The following MCM10 variants were observed in gnomAD, a reference collection of about 807,000 sequenced individuals.
MCM10 encodes protein MCM10 homolog.
MCM10 carries 91 observed loss-of-function variants against 109.9 expected under a neutral mutation model. The observed-to-expected ratio is 0.83, with a 90% CI of 0.70 to 0.99. The LOEUF is 0.99. Among genes scored for constraint, MCM10 ranks in the 50% least tolerant of loss-of-function variants. The pLI is 0.00. For synonymous variants in MCM10, 380 were observed against 387.2 expected, an observed-to-expected ratio of 0.98 and a Z score of 0.22; for missense variants, 1,077 against 1,061.2, an observed-to-expected ratio of 1.01 and a Z score of -0.21.
rs564350831 is a variant in MCM10, at chr10:13,176,695, G to A, written c.764+1014G>A. ...GAGGATTGCTTGAAGTCAGGAGCTC[G>A]AGACTAGCTGGGGTAACATAGTGAG... On this transcript the variant is annotated intron_variant, in intron 6 of 19. Transcript: ENST00000378714. Among the ~76,000 whole-genome samples, 9 of 152,314 alleles carry A rather than the reference G, an allele frequency of 5.9e-5. 1 individual carries two copies. In the South Asian group the frequency reaches 1.9e-3, roughly 32 times the overall value.
In MCM10 at chr10:13,209,388, C is replaced by CAATCAGGAATCAATGGA; in HGVS notation, c.*78_*79insAATCAGGAATCAATGGA. On this transcript the variant is annotated 3_prime_UTR_variant, in exon 20 of 20. Coordinates refer to ENST00000378714, the MANE Select transcript of MCM10 (RefSeq NM_018518.5). ...AAGCAAAGGATTGGCTGTGTATTGT[C>CAATCAGGAATCAATGGA]CATTGATTCCTGATTGACGCCGTCA... 9.1e-7 allele frequency: 1 copy of CAATCAGGAATCAATGGA among 1,103,188 alleles called. No homozygotes were observed. Among genetic ancestry groups the CAATCAGGAATCAATGGA allele is most frequent in the Non-Finnish European group, 1.4e-6 (1 of 733,906 alleles). The allele number at this position is 1,103,188 out of a possible 1,614,324, so 68.3% of individuals were successfully genotyped here. A position where few individuals can be genotyped will look rare whatever the true frequency, so the allele number is the denominator to read the frequency against.
chr10:13,197,916 G>GT, intron 15 of MCM10, 149 bp downstream of exon 15: 1 of 605,696 alleles, frequency 1.7e-6, no homozygotes, highest in Non-Finnish European at 2.3e-6. Context: ...GGGTGGAACT[G>GT]ATTTTTTTTT....
At chr10:13,176,529 A>T (rs1489015159) in intron 6 of MCM10, among the ~76,000 whole-genome samples, 1 of 152,182 alleles carries the variant, frequency 6.6e-6, no homozygotes, top group Admixed American at 6.5e-5. Flanking sequence ...ATATCAGCCA[A>T]CAACTAAAAC....
chr10:13,195,111 C>A lies in MCM10; in HGVS notation c.1816C>A (p.Pro606Thr), dbSNP rs756383017. The A allele has an allele frequency of 1.9e-6, 3 of 1,614,194 alleles. No homozygotes were observed. In the South Asian group the frequency reaches 3.3e-5, roughly 18 times the overall value. The change falls in exon 14 of 20, where the codon CCT becomes ACT. Residue 606 changes from proline (P) to threonine (T), a missense_variant. Pro to Thr is a conservative substitution (Grantham distance 38). Coordinates refer to ENST00000378714, the MANE Select transcript of MCM10 (RefSeq NM_018518.5). ...PSSSRQPPAQ[P>T]PRTGSEFPRL... ...TTCATCAAGACAGCCCCCTGCTCAGCCTCCACGGACAGGATCCGAGTTCCC... is the reference window on the plus strand; with the variant it reads ...TTCATCAAGACAGCCCCCTGCTCAGACTCCACGGACAGGATCCGAGTTCCC...
chr10:13,196,337 C>T (rs1346621905), intron 14 of MCM10, among the ~76,000 whole-genome samples: 2 of 152,120 alleles, frequency 1.3e-5, no homozygotes, highest in African/African-American at 2.4e-5. Context: ...CCAATCGAGC[C>T]TCTCTCTTCC....
At chr10:13,201,351 A>C in intron 16 of MCM10, 70 bp from the exon 17 acceptor site, 1 of 883,308 alleles carries the variant, frequency 1.1e-6, no homozygotes, top group Non-Finnish European at 1.8e-6. Context: ...TCATCGAGTT[A>C]CTCTTACTGT....
In MCM10 at chr10:13,189,161, C is replaced by A; in HGVS notation, c.1415+81C>A. 9 of 1,412,908 alleles carry A rather than the reference C, an allele frequency of 6.4e-6. No homozygotes were observed. In the Admixed American group the frequency reaches 1.2e-4, roughly 19 times the overall value. The allele number at this position is 1,412,908 out of a possible 1,614,324, so 87.5% of individuals were successfully genotyped here. A position where few individuals can be genotyped will look rare whatever the true frequency, so the allele number is the denominator to read the frequency against. On this transcript the variant is annotated intron_variant, in intron 10 of 19. Transcript: ENST00000378714. Reference sequence around the variant, plus strand: ...CCTACTGGTTGTACCTTCCTGTAACCGTCATAGGATACTTGTACAGGTTTT... The same window carrying A: ...CCTACTGGTTGTACCTTCCTGTAACAGTCATAGGATACTTGTACAGGTTTT...
intron 6 of MCM10, among the ~76,000 whole-genome samples, chr10:13,177,058 C>T (rs1834150882): frequency 6.7e-6 from 1 of 149,072 alleles, no homozygotes; most frequent in South Asian, 2.1e-4. Flanking sequence ...TAGAGAATTG[C>T]CCCCACCTGA....
chr10:13,179,040 A>C (rs1834176625), intron 6 of MCM10, among the ~76,000 whole-genome samples: 1 of 152,118 alleles, frequency 6.6e-6, no homozygotes, highest in Non-Finnish European at 1.5e-5. Flanking sequence ...CTGATTTTTG[A>C]ATATTGATTT....
chr10:13,192,176 G>C, intron 11 of MCM10, 79 bp from the exon 12 acceptor site: 1 of 859,454 alleles, frequency 1.2e-6, no homozygotes. Flanking sequence ...TACAAGTGCA[G>C]AGTTTAGAAA....
chr10:13,189,273 G>A (rs1834317009), intron 10 of MCM10, among the ~76,000 whole-genome samples, 193 bp downstream of exon 10: 2 of 152,002 alleles, frequency 1.3e-5, no homozygotes, highest in African/African-American at 2.4e-5. Context: ...GAGAGAGAGA[G>A]ATTGACTTAT....
At chr10:13,169,416 G>A (rs1433313996) in intron 2 of MCM10, among the ~76,000 whole-genome samples, 1 of 152,192 alleles carries the variant, frequency 6.6e-6, no homozygotes, top group Admixed American at 6.5e-5. Flanking sequence ...TATTACCCCA[G>A]ACGAACTATG....
At chr10:13,183,969 C>T (rs1242495545) in intron 8 of MCM10, among the ~76,000 whole-genome samples, 1 of 152,128 alleles carries the variant, frequency 6.6e-6, no homozygotes, top group African/African-American at 2.4e-5. Flanking sequence ...AGTGGTTCTC[C>T]TGCCTCACCC....
chr10:13,203,549 G>A (rs1834527947), intron 17 of MCM10, among the ~76,000 whole-genome samples: 1 of 152,104 alleles, frequency 6.6e-6, no homozygotes, highest in Admixed American at 6.5e-5. Flanking sequence ...TGCCAGCCTT[G>A]GGCTCACCAC....
rs766153936 is a variant in MCM10 at position 13,192,364 on chromosome 10, A to C, written c.1626A>C (p.Ser542=). 3 of 1,613,988 alleles carry C rather than the reference A, an allele frequency of 1.9e-6. No homozygotes were observed. The East Asian group carries it at 6.7e-5, about 36-fold the overall frequency. Residue 542 remains serine, a splice_region_variant and synonymous_variant, in exon 12 of 20, where the codon TCA becomes TCC. Transcript: ENST00000378714. ...LKQHLAKATA[S]GIMGSPKPAI... ...AACATTTAGCCAAAGCCACAGCTTCAGGTACCATCAGCTGCATGGCCACAC... is the reference window on the plus strand; with the variant it reads ...AACATTTAGCCAAAGCCACAGCTTCCGGTACCATCAGCTGCATGGCCACAC...
At chr10:13,163,811 G>A (rs912409560) in intron 1 of MCM10, among the ~76,000 whole-genome samples, 10 of 152,064 alleles carry the variant, frequency 6.6e-5, no homozygotes, top group East Asian at 3.9e-4. Flanking sequence ...TATTACAGGC[G>A]TTGAGCCACT....
At chr10:13,192,674 C>A in intron 13 of MCM10, 106 bp downstream of exon 13, 1 of 967,950 alleles carries the variant, frequency 1.0e-6, no homozygotes. Context: ...CGGTTGGCTG[C>A]GTTTTAACTC....
In MCM10 at chr10:13,183,046, T is replaced by A. The variant is rs772158118; in HGVS notation, c.1044T>A (p.Thr348=). The change falls in exon 8 of 20, where the codon ACT becomes ACA. Residue 348 remains threonine, a synonymous_variant. Coordinates refer to ENST00000378714, the MANE Select transcript of MCM10 (RefSeq NM_018518.5). ...CGCTCTGGAAGACGGAGCAGGGGAC[T>A]GTCGTAGGGATCCTCAATGCCAACC... ...HKALWKTEQG[T]VVGILNANPM... 2.5e-6 allele frequency: 4 copies of A among 1,614,198 alleles called. No homozygotes were observed. The highest frequency in any genetic ancestry group is 3.4e-6 in the Non-Finnish European group (4 of 1,180,028).
At chr10:13,190,115 T>C (rs11596423) in intron 10 of MCM10, among the ~76,000 whole-genome samples, 3,331 of 149,668 alleles carry the variant, frequency 0.022, 61 homozygotes, top group South Asian at 0.081. Flanking sequence ...GCCTCGTCAC[T>C]ACATTATATA....
Sources: allele counts gnomAD v4.1 joint callset (sites outside exome capture counted in the v4.1 genomes callset), GRCh38; gene constraint gnomAD v4.1.1; transcripts MANE v1.5; gene names NCBI Gene and HGNC (gene_info 2026-07-23, HGNC 2026-07-21).